DERA: variants seen among roughly 807,000 people sequenced by gnomAD.
DERA encodes the protein deoxyribose-phosphate aldolase, also known as 2-deoxy-D-ribose 5-phosphate aldolase.
In DERA, 15 loss-of-function variants were observed where a neutral mutation model predicts 41.1. That is an observed-to-expected ratio of 0.37 (90% CI 0.24 to 0.56). The LOEUF (loss-of-function observed/expected upper bound fraction) is 0.56, where lower values mean the gene tolerates loss of function less well. DERA is among the 20% of genes least tolerant of loss of function. DERA has a pLI of 0.81. For synonymous variants in DERA, 139 were observed against 137.4 expected, an observed-to-expected ratio of 1.01 and a Z score of -0.08; for missense variants, 396 against 403.4, an observed-to-expected ratio of 0.98 and a Z score of 0.16.
In DERA at chr12:15,966,116, C is replaced by T. The variant is rs966319085; in HGVS notation, c.508+3169C>T. Among the ~76,000 whole-genome samples the T allele has an allele frequency of 6.6e-6, 1 of 152,178 alleles. No individual in the cohort carries two copies. The highest frequency in any genetic ancestry group is 2.4e-5 in the African/African-American group (1 of 41,440). ...CTGAAAAGAAGGCCCGATGCGGTGG[C>T]TCACACCTGTAATCCCAGCACTTTG... On this transcript the variant is annotated intron_variant, in intron 5 of 8. Transcript: ENST00000428559. The surrounding 1 kb of genome is among the most constrained non-coding windows in gnomAD (Gnocchi z 5.1).
chr12:15,982,361 A>G lies in DERA; in HGVS notation c.562A>G (p.Lys188Glu). ...FRKACGEAHL[K>E]TILATGELGT... Reference sequence around the variant, plus strand: ...CAAGGCCTGTGGGGAGGCTCATCTTAAAACTATATTAGCGACAGGAGAACT... The same window carrying G: ...CAAGGCCTGTGGGGAGGCTCATCTTGAAACTATATTAGCGACAGGAGAACT... The change falls in exon 6 of 9, where the codon AAA becomes GAA. Residue 188 changes from lysine to glutamate, a missense_variant. Lys to Glu is a moderately conservative substitution (Grantham distance 56, BLOSUM62 1). Coordinates refer to ENST00000428559, the MANE Select transcript of DERA (RefSeq NM_015954.4). This position sits in a 1 kb window ranked among gnomAD's most constrained non-coding sequence, Gnocchi z 4.0. The G allele has an allele frequency of 6.2e-7, 1 of 1,613,956 alleles. No homozygotes were observed. Among genetic ancestry groups the G allele is most frequent in the Non-Finnish European group, 8.5e-7 (1 of 1,179,848 alleles).
chr12:15,968,711 A>G (rs536351996), intron 5 of DERA, among the ~76,000 whole-genome samples: 1 of 152,320 alleles, frequency 6.6e-6, no homozygotes, highest in Admixed American at 6.5e-5. Flanking sequence ...CAGGGTTACA[A>G]TAGGGAAGAA....
chr12:16,008,751 A>G lies in DERA; in HGVS notation c.638-23791A>G, dbSNP rs1948929574. ...CGCTCTTGGCATTTCTCTCGTGGTT[A>G]CAAGATGGCTGCCACAGCTCCAGTC... On this transcript the variant is annotated intron_variant, in intron 6 of 8. Transcript: ENST00000428559. The surrounding 1 kb of genome is among the most constrained non-coding windows in gnomAD (Gnocchi z 4.8). Among the ~76,000 whole-genome samples the G allele has an allele frequency of 6.6e-6, 1 of 152,230 alleles. No individual in the cohort carries two copies. Among genetic ancestry groups the G allele is most frequent in the African/African-American group, 2.4e-5 (1 of 41,454 alleles).
chr12:15,962,988 C>T (rs1177113407), intron 5 of DERA, 41 bp downstream of exon 5: 5 of 1,583,248 alleles, frequency 3.2e-6, no homozygotes, highest in Non-Finnish European at 4.3e-6. Flanking sequence ...CACCATTCTT[C>T]CCTGGTGAAT....
In DERA at chr12:15,966,732, C is replaced by A. The variant is rs1948625877; in HGVS notation, c.508+3785C>A. On this transcript the variant is annotated intron_variant, in intron 5 of 8. Coordinates refer to ENST00000428559, the MANE Select transcript of DERA (RefSeq NM_015954.4). The surrounding 1 kb of genome is among the most constrained non-coding windows in gnomAD (Gnocchi z 5.1). The stretch of plus-strand genomic sequence containing the variant: ...TCTCATTTGCAAGCTCCTTCACCTC[C>A]TCTGTCATCCCTGAAGTGTCCATGT... Among the ~76,000 whole-genome samples, 1 of 152,066 alleles carries A rather than the reference C, an allele frequency of 6.6e-6. No homozygotes were observed. The highest frequency in any genetic ancestry group is 1.5e-5 in the Non-Finnish European group (1 of 68,032).
rs1388092711 is a variant in DERA at position 15,936,848 on chromosome 12, G to C, written c.32-20088G>C. On this transcript the variant is annotated intron_variant, in intron 1 of 8. Transcript: ENST00000428559. The surrounding 1 kb of genome is among the most constrained non-coding windows in gnomAD (Gnocchi z 4.6). ...AACTTATTTCTGCATCTTCTGTCTT[G>C]TGTTGTCTTGTCTTGTCTTGTCTTG... is the stretch of plus-strand genomic sequence containing the variant. Among the ~76,000 whole-genome samples the C allele has an allele frequency of 7.3e-6, 1 of 136,244 alleles. No homozygotes were observed. The highest frequency in any genetic ancestry group is 1.6e-5 in the Non-Finnish European group (1 of 64,128). The allele number at this position is 136,244 out of a possible 152,430, so 89.4% of individuals were successfully genotyped here. A position where few individuals can be genotyped will look rare whatever the true frequency, so the allele number is the denominator to read the frequency against.
At chr12:15,960,354 C>T (rs1037154583) in intron 4 of DERA, among the ~76,000 whole-genome samples, 2 of 150,520 alleles carry the variant, frequency 1.3e-5, no homozygotes, top group Non-Finnish European at 3.0e-5. Context: ...TAATGATATG[C>T]GGGCTGGGGA....
chr12:15,967,246 C>T lies in DERA; in HGVS notation c.508+4299C>T, dbSNP rs1354250481. Among the ~76,000 whole-genome samples, 2 of 151,680 alleles carry T rather than the reference C, an allele frequency of 1.3e-5. No homozygotes were observed. The highest frequency in any genetic ancestry group is 2.9e-5 in the Non-Finnish European group (2 of 67,948). ...TTGTGGTATGCGCCTGTAGTCCCAGCTACTCAAGGTTGGGCCTGAGATGGG... is the reference window on the plus strand; with the variant it reads ...TTGTGGTATGCGCCTGTAGTCCCAGTTACTCAAGGTTGGGCCTGAGATGGG... On this transcript the variant is annotated intron_variant, in intron 5 of 8. Transcript: ENST00000428559. The surrounding 1 kb of genome is among the most constrained non-coding windows in gnomAD (Gnocchi z 4.9).
rs1459671285 is a variant in DERA, at chr12:15,989,428, C to T, written c.637+6992C>T. ...TTTATAATTTTTATTTCTCTACTGA[C>T]ATGTCCCCACTTTTTCACTGGTTGA... On this transcript the variant is annotated intron_variant, in intron 6 of 8. Transcript: ENST00000428559. This position sits in a 1 kb window ranked among gnomAD's most constrained non-coding sequence, Gnocchi z 5.2. Among the ~76,000 whole-genome samples, 1 of 152,200 alleles carries T rather than the reference C, an allele frequency of 6.6e-6. No homozygotes were observed. Among genetic ancestry groups the T allele is most frequent in the Non-Finnish European group, 1.5e-5 (1 of 68,040 alleles).
chr12:15,962,072 A>G (rs1200032296), intron 4 of DERA, among the ~76,000 whole-genome samples: 1 of 152,220 alleles, frequency 6.6e-6, no homozygotes, highest in African/African-American at 2.4e-5. Flanking sequence ...AGGTAACATG[A>G]CAGGTTTTTT....
In DERA at chr12:16,026,384, A is replaced by T. The variant is rs1179402744; in HGVS notation, c.638-6158A>T. Among the ~76,000 whole-genome samples the T allele has an allele frequency of 6.6e-6, 1 of 151,864 alleles. No homozygotes were observed. The highest frequency in any genetic ancestry group is 1.5e-5 in the Non-Finnish European group (1 of 67,882). On this transcript the variant is annotated intron_variant, in intron 6 of 8. Transcript: ENST00000428559. The surrounding 1 kb of genome is among the most constrained non-coding windows in gnomAD (Gnocchi z 4.4). ...TCCTCTTCCCATGGATATTAAAAGG[A>T]TTATAAAGGAATGTGTGAACAGCTC...
chr12:16,027,446 T>C (rs77492411), intron 6 of DERA, among the ~76,000 whole-genome samples: 1,661 of 152,310 alleles, frequency 0.011, 17 homozygotes, highest in African/African-American at 0.035. Context: ...TTAAAGGTCT[T>C]GCAGTGAGGT....
rs766863650 is a variant in DERA, at chr12:16,032,617, G to C, written c.713G>C (p.Arg238Pro). Residue 238 changes from arginine to proline, a missense_variant, in exon 7 of 9, where the codon CGG becomes CCG. Coordinates refer to ENST00000428559, the MANE Select transcript of DERA (RefSeq NM_015954.4). The part of the protein sequence containing the change: ...ATFPVAIVML[R>P]AIRDFFWKTG... ...TTCCCGGTAGCTATAGTAATGCTGC[G>C]GGCCATTAGAGATTTCTTCTGGAAA... 1.9e-5 allele frequency: 30 copies of C among 1,565,956 alleles called. No individual in the cohort carries two copies. Among genetic ancestry groups the C allele is most frequent in the Non-Finnish European group, 2.6e-6 (3 of 1,154,088 alleles).
In DERA at chr12:16,008,362, T is replaced by C. The variant is rs1372504272; in HGVS notation, c.638-24180T>C. On this transcript the variant is annotated intron_variant, in intron 6 of 8. Coordinates refer to ENST00000428559, the MANE Select transcript of DERA (RefSeq NM_015954.4). The surrounding 1 kb of genome is among the most constrained non-coding windows in gnomAD (Gnocchi z 4.8). ...TCCTTTCCTTCCACATTTTATTCAG[T>C]TGGACTCTGACTCCTGTCTGATTTG... Among the ~76,000 whole-genome samples, 2 of 152,224 alleles carry C rather than the reference T, an allele frequency of 1.3e-5. No homozygotes were observed. The highest frequency in any genetic ancestry group is 6.5e-5 in the Admixed American group (1 of 15,284).
chr12:15,975,331 G>T (rs1948689826), intron 5 of DERA, among the ~76,000 whole-genome samples: 1 of 152,140 alleles, frequency 6.6e-6, no homozygotes, highest in African/African-American at 2.4e-5. Flanking sequence ...TAGTTTTTGG[G>T]TGGGGGCCAC....
chr12:16,025,157 CA>C lies in DERA; in HGVS notation c.638-7378del, dbSNP rs1002099388. Among the ~76,000 whole-genome samples the C allele has an allele frequency of 4.6e-5, 7 of 151,694 alleles. No homozygotes were observed. In the East Asian group the frequency reaches 7.8e-4, roughly 17 times the overall value. On this transcript the variant is annotated intron_variant, in intron 6 of 8. Transcript: ENST00000428559. The stretch of plus-strand genomic sequence containing the variant: ...CAGAAAAATAGGTGTCAAAATTAAC[CA>C]AAAAAATGCAACAAATGGAAAAGTA...
At chr12:15,946,612 C>A (rs1948451341) in intron 1 of DERA, among the ~76,000 whole-genome samples, 1 of 151,450 alleles carries the variant, frequency 6.6e-6, no homozygotes, top group South Asian at 2.1e-4. Flanking sequence ...TGATTCTTCT[C>A]TGTTTTCTTC....
chr12:15,953,450 A>C (rs1421047384), intron 1 of DERA, among the ~76,000 whole-genome samples: 2 of 152,208 alleles, frequency 1.3e-5, no homozygotes, highest in Admixed American at 1.3e-4. Flanking sequence ...GACTTGAACC[A>C]GAAATAATAA....
chr12:15,973,023 T>A (rs1948674029), intron 5 of DERA, among the ~76,000 whole-genome samples: 1 of 152,142 alleles, frequency 6.6e-6, no homozygotes, highest in Non-Finnish European at 1.5e-5. Context: ...TTTCTCATTG[T>A]GGCCGAGTGC....
Sources: gnomAD v4.1 joint callset for allele counts (sites outside exome capture counted in the v4.1 genomes callset) on GRCh38, gnomAD v4.1.1 for gene constraint, Gnocchi (gnomAD v3.1) non-coding constraint, MANE v1.5 for transcripts, NCBI Gene and HGNC (gene_info 2026-07-23, HGNC 2026-07-21) for gene names.